The following SGMS1 variants were observed in gnomAD, a reference collection of about 807,000 sequenced individuals.
The protein encoded by SGMS1 is sphingomyelin synthase 1.
SGMS1 carries 13 observed loss-of-function variants against 46.2 expected under a neutral mutation model. That is an observed-to-expected ratio of 0.28 (90% CI 0.18 to 0.45). The LOEUF (loss-of-function observed/expected upper bound fraction) is 0.45. Among genes scored for constraint, SGMS1 ranks in the 20% least tolerant of loss-of-function variants. The pLI is 1.00. For synonymous variants in SGMS1, 203 were observed against 187.8 expected (o/e 1.08, Z -0.66); for missense variants, 324 against 519.9 (o/e 0.62, Z 3.66).
chr10:50,362,536 A>G (rs1848266191), intron 6 of SGMS1, among the ~76,000 whole-genome samples: 1 of 152,240 alleles, frequency 6.6e-6, no homozygotes, highest in African/African-American at 2.4e-5. Flanking sequence ...TAAGGTAAAT[A>G]TAAAAGAAAA....
intron 2 of SGMS1, among the ~76,000 whole-genome samples, chr10:50,565,043 A>C (rs1838276119): frequency 1.3e-5 from 2 of 152,206 alleles, no homozygotes; most frequent in African/African-American, 4.8e-5. Flanking sequence ...AAGGGTTAGC[A>C]GAAGTAACTT....
chr10:50,481,209 C>T (rs1454997719), intron 3 of SGMS1, among the ~76,000 whole-genome samples: 1 of 152,234 alleles, frequency 6.6e-6, no homozygotes. Context: ...TAAGAGGATC[C>T]CTCATCTTGT....
chr10:50,327,576 T>G (rs990750529), intron 7 of SGMS1, among the ~76,000 whole-genome samples: 3 of 152,224 alleles, frequency 2.0e-5, no homozygotes, highest in African/African-American at 7.2e-5. Context: ...TTAGGCTTCA[T>G]GAGGCCTTAA....
In SGMS1 at chr10:50,563,742, CAAAAAAAAAAAA is replaced by C. The variant is rs60882939; in HGVS notation, c.-589+26399_-589+26410del. 4.5e-3 allele frequency among the ~76,000 whole-genome samples: 299 copies of C among 65,764 alleles called. 4 individuals carry two copies. In the East Asian group the frequency reaches 0.09, roughly 20 times the overall value. 43.1% of individuals were successfully genotyped at this position (65,764 alleles called of 152,430 possible). On this transcript the variant is annotated intron_variant, in intron 2 of 10. Coordinates refer to ENST00000361781, the MANE Select transcript of SGMS1 (RefSeq NM_147156.4). ...TGGGCGACAGAGCGAGACTCCGTCT[CAAAAAAAAAAAA>C]AAAAAAAAAAAAGAAACTCTTTTGA...
intron 5 of SGMS1, among the ~76,000 whole-genome samples, chr10:50,447,618 T>C (rs574210557): frequency 1.3e-5 from 2 of 152,342 alleles, no homozygotes; most frequent in South Asian, 2.1e-4. Context: ...TCTGCTTCTT[T>C]TTAAATTATT....
chr10:50,517,719 T>C (rs1485176705), intron 3 of SGMS1, among the ~76,000 whole-genome samples: 1 of 152,058 alleles, frequency 6.6e-6, no homozygotes, highest in Non-Finnish European at 1.5e-5. Flanking sequence ...AAGAAAGCTC[T>C]AAATAGACAC....
At chr10:50,387,671 A>G (rs971270864) in intron 6 of SGMS1, among the ~76,000 whole-genome samples, 1 of 152,242 alleles carries the variant, frequency 6.6e-6, no homozygotes, top group East Asian at 1.9e-4. Flanking sequence ...CGGCAGATTC[A>G]TAGGTATTGT....
In SGMS1 at chr10:50,349,384, T is replaced by C. The variant is rs532115216; in HGVS notation, c.-231-5039A>G. 6.2e-4 allele frequency among the ~76,000 whole-genome samples: 95 copies of C among 152,360 alleles called. 2 individuals carry two copies. Among genetic ancestry groups the C allele is most frequent in the African/African-American group, 2.3e-3 (94 of 41,578 alleles). ...CACAATACAATTTAATGGTCTTATG[T>C]GTGTGCTATGGTAGAAAGAGTATTA... On this transcript the variant is annotated intron_variant, in intron 6 of 10. Coordinates refer to ENST00000361781, the MANE Select transcript of SGMS1 (RefSeq NM_147156.4).
At chr10:50,308,923 A>G (rs113950638) in intron 9 of SGMS1, among the ~76,000 whole-genome samples, 90 of 152,340 alleles carry the variant, frequency 5.9e-4, no homozygotes, top group African/African-American at 2.1e-3. Context: ...AATGGGTCCA[A>G]GAACCAGTCA....
intron 2 of SGMS1, among the ~76,000 whole-genome samples, chr10:50,543,098 A>T (rs1294355210): frequency 6.6e-6 from 1 of 152,136 alleles, no homozygotes; most frequent in Non-Finnish European, 1.5e-5. Flanking sequence ...TAGCACCCAA[A>T]CTGTCTTGGA....
At chr10:50,548,067 C>A (rs1308354586) in intron 2 of SGMS1, among the ~76,000 whole-genome samples, 2 of 152,080 alleles carry the variant, frequency 1.3e-5, no homozygotes, top group Admixed American at 1.3e-4. Flanking sequence ...AAACCCACAG[C>A]CAATATCATA....
At chr10:50,373,972 G>A (rs1032811104) in intron 6 of SGMS1, among the ~76,000 whole-genome samples, 8 of 152,144 alleles carry the variant, frequency 5.3e-5, no homozygotes, top group Non-Finnish European at 7.4e-5. Flanking sequence ...AATTTGATCA[G>A]CATTCAGAGA....
At chr10:50,330,886 C>T (rs1847614333) in intron 7 of SGMS1, among the ~76,000 whole-genome samples, 2 of 152,174 alleles carry the variant, frequency 1.3e-5, no homozygotes, top group African/African-American at 4.8e-5. Flanking sequence ...TGTATCTTTA[C>T]ATAGATGCTA....
intron 6 of SGMS1, among the ~76,000 whole-genome samples, chr10:50,416,033 T>G (rs1292432740): frequency 6.6e-6 from 1 of 152,182 alleles, no homozygotes; most frequent in Non-Finnish European, 1.5e-5. Context: ...ACGAGCTCAT[T>G]AAGAGTAGGG....
intron 6 of SGMS1, among the ~76,000 whole-genome samples, chr10:50,400,780 AT>A (rs1223689812): frequency 2.0e-5 from 3 of 152,200 alleles, no homozygotes; most frequent in African/African-American, 7.2e-5. Context: ...CCTGTTCAAT[AT>A]CAGTATGTGA....
At chr10:50,514,855 GT>G (rs199850054) in intron 3 of SGMS1, among the ~76,000 whole-genome samples, 11,455 of 152,128 alleles carry the variant, frequency 0.075, 1,070 homozygotes, top group East Asian at 0.37. Context: ...AACCCAGGCA[GT>G]CTGGCTACTG....
At chr10:50,590,004 T>A (rs1838525250) in intron 2 of SGMS1, 149 bp downstream of exon 2, 1 of 152,242 alleles carries the variant, frequency 6.6e-6, no homozygotes, top group African/African-American at 2.4e-5. Context: ...TGTACAAACC[T>A]ATACACACAC....
chr10:50,463,554 G>A lies in SGMS1; in HGVS notation c.-454-2740C>T, dbSNP rs116806399. Among the ~76,000 whole-genome samples the A allele has an allele frequency of 8.7e-3, 1,322 of 152,262 alleles. 18 individuals are homozygous for A. Among genetic ancestry groups the A allele is most frequent in the African/African-American group, 0.03 (1,253 of 41,550 alleles). On this transcript the variant is annotated intron_variant, in intron 4 of 10. Coordinates refer to ENST00000361781, the MANE Select transcript of SGMS1 (RefSeq NM_147156.4). ...TGGCAAAGATGTGGAGAAGTTGATC[G>A]GAATATTGGTACACTGTTGGTGGGA...
rs189089996 is a variant in SGMS1 at position 50,384,446 on chromosome 10, C to T, written c.-231-40101G>A. On this transcript the variant is annotated intron_variant, in intron 6 of 10. Transcript: ENST00000361781. ...CTTTCCCTCTTCCTCCCTCTTTCCT[C>T]TCTTTCTCTCCTTCCTTCCTTCCTT... Among the ~76,000 whole-genome samples, 436 of 144,512 alleles carry T rather than the reference C, an allele frequency of 3.0e-3. 1 individual carries two copies. The highest frequency in any genetic ancestry group is 0.01 in the African/African-American group (395 of 37,624). 94.8% of individuals were successfully genotyped at this position (144,512 alleles called of 152,430 possible).
Sources: gnomAD v4.1 joint callset for allele counts (sites outside exome capture counted in the v4.1 genomes callset) on GRCh38, gnomAD v4.1.1 for gene constraint, MANE v1.5 for transcripts, NCBI Gene and HGNC (gene_info 2026-07-23, HGNC 2026-07-21) for gene names.